The following ADAMTS6 variants were observed in gnomAD, a reference collection of about 807,000 sequenced individuals.
ADAMTS6 encodes ADAM metallopeptidase with thrombospondin type 1 motif 6, also known as A disintegrin and metalloproteinase with thrombospondin motifs 6.
Under a neutral mutation model 144.3 loss-of-function variants are expected in ADAMTS6, and 23 were observed. The ratio of observed to expected loss-of-function variants is 0.16; its 90% CI spans 0.11 to 0.23. The LOEUF (loss-of-function observed/expected upper bound fraction) is 0.23. Among genes scored for constraint, ADAMTS6 ranks in the 10% least tolerant of loss-of-function variants. ADAMTS6 has a pLI of 1.00. For missense variants in ADAMTS6, 999 were observed against 1,379.6 expected, an observed-to-expected ratio of 0.72 and a Z score of 4.37; for synonymous variants, 444 against 457.5, an observed-to-expected ratio of 0.97 and a Z score of 0.38.
At chr5:65,172,053 A>T (rs1753660017) in intron 23 of ADAMTS6, among the ~76,000 whole-genome samples, 1 of 73,448 alleles carries the variant, frequency 1.4e-5, no homozygotes, top group Non-Finnish European at 2.8e-5. Flanking sequence ...GCCCTGTTGG[A>T]TTTGTTTGCA....
In ADAMTS6 at chr5:65,197,108, G is replaced by A. The variant is rs540968436; in HGVS notation, c.2619C>T (p.Asn873=). 6 of 1,613,824 alleles carry A rather than the reference G, an allele frequency of 3.7e-6. No homozygotes were observed. In the East Asian group the frequency reaches 8.9e-5, roughly 24 times the overall value. The change falls in exon 21 of 25, where the codon AAC becomes AAT. Residue 873 remains asparagine (N), a synonymous_variant. Transcript: ENST00000381055. ...CACAGTAATTGTTCTGGACAATGGA[G>A]TTGTCATCCAACCTTTTACAGACCA... ...QEVVCKRLDD[N]SIVQNNYCDP...
intron 20 of ADAMTS6, among the ~76,000 whole-genome samples, chr5:65,211,682 C>A (rs1756542508): frequency 6.6e-6 from 1 of 152,120 alleles, no homozygotes; most frequent in Non-Finnish European, 1.5e-5. Context: ...GTTTTACCTA[C>A]CTATGCTAAT....
intron 7 of ADAMTS6, among the ~76,000 whole-genome samples, chr5:65,395,825 A>G (rs752437045): frequency 7.9e-5 from 12 of 152,250 alleles, no homozygotes; most frequent in South Asian, 2.1e-4. Context: ...AAGAAACAAT[A>G]TAACTTAAAT....
chr5:65,382,013 GAGTAGATAGCT>G (rs1752088255), intron 7 of ADAMTS6, among the ~76,000 whole-genome samples: 1 of 152,150 alleles, frequency 6.6e-6, no homozygotes, highest in Admixed American at 6.6e-5. Context: ...ATAACTAGAA[GAGTAGATAGCT>G]AGCAGCTCCC....
At chr5:65,198,202 A>G (rs1303934097) in intron 20 of ADAMTS6, among the ~76,000 whole-genome samples, 1 of 152,018 alleles carries the variant, frequency 6.6e-6, no homozygotes, top group Non-Finnish European at 1.5e-5. Flanking sequence ...CCACTCACCC[A>G]CCCCATCTCT....
intron 7 of ADAMTS6, among the ~76,000 whole-genome samples, chr5:65,426,478 G>T (rs982281692): frequency 6.6e-6 from 1 of 151,416 alleles, no homozygotes; most frequent in Non-Finnish European, 1.5e-5. Flanking sequence ...GGGAAAAAAT[G>T]AAAGTAAAAG....
chr5:65,387,704 T>C (rs377654608), intron 7 of ADAMTS6, among the ~76,000 whole-genome samples: 44 of 152,282 alleles, frequency 2.9e-4, no homozygotes, highest in East Asian at 1.9e-3. Context: ...TGGATTTTCA[T>C]GGGTCACTCT....
intron 20 of ADAMTS6, among the ~76,000 whole-genome samples, chr5:65,197,917 T>C (rs1450702092): frequency 6.6e-6 from 1 of 152,186 alleles, no homozygotes; most frequent in African/African-American, 2.4e-5. Flanking sequence ...ATATGTCAAT[T>C]ATTGGCAAAG....
At chr5:65,276,408 A>G (rs1242376828) in intron 11 of ADAMTS6, among the ~76,000 whole-genome samples, 2 of 152,200 alleles carry the variant, frequency 1.3e-5, no homozygotes, top group Non-Finnish European at 2.9e-5. Context: ...AAGAGTTTTC[A>G]GATAGATCTT....
intron 7 of ADAMTS6, among the ~76,000 whole-genome samples, chr5:65,397,340 AT>A (rs1346529046): frequency 1.3e-5 from 2 of 150,572 alleles, no homozygotes; most frequent in Non-Finnish European, 3.0e-5. Flanking sequence ...TTTATTATTC[AT>A]TTTCTTCTGC....
chr5:65,209,644 G>C (rs190820767), intron 20 of ADAMTS6, among the ~76,000 whole-genome samples: 1 of 152,252 alleles, frequency 6.6e-6, no homozygotes, highest in African/African-American at 2.4e-5. Context: ...TATCATTATT[G>C]CTCCCAAACT....
At chr5:65,340,689 A>G (rs1459913433) in intron 7 of ADAMTS6, among the ~76,000 whole-genome samples, 1 of 152,074 alleles carries the variant, frequency 6.6e-6, no homozygotes, top group Non-Finnish European at 1.5e-5. Flanking sequence ...TTAAAAAAAA[A>G]AGGACCCAAT....
intron 9 of ADAMTS6, among the ~76,000 whole-genome samples, chr5:65,314,699 G>C (rs1367854388): frequency 6.6e-6 from 1 of 152,116 alleles, no homozygotes; most frequent in Non-Finnish European, 1.5e-5. Flanking sequence ...AGAAATTTCA[G>C]CTATTTCTAT....
intron 22 of ADAMTS6, among the ~76,000 whole-genome samples, chr5:65,183,928 T>C (rs918694434): frequency 6.6e-6 from 1 of 152,196 alleles, no homozygotes; most frequent in African/African-American, 2.4e-5. Flanking sequence ...AAAATTCATC[T>C]CATTCTTTCT....
intron 1 of ADAMTS6, among the ~76,000 whole-genome samples, chr5:65,480,459 A>G (rs956326219): frequency 1.3e-5 from 2 of 152,166 alleles, no homozygotes; most frequent in African/African-American, 4.8e-5. Flanking sequence ...TGTGACCCAG[A>G]CAGTTGGCAT....
chr5:65,291,243 C>T, intron 11 of ADAMTS6, 86 bp downstream of exon 11: 1 of 1,467,472 alleles, frequency 6.8e-7, no homozygotes, highest in Non-Finnish European at 9.1e-7. Context: ...CTAGAGGGAA[C>T]CGACATTCAT....
intron 24 of ADAMTS6, among the ~76,000 whole-genome samples, chr5:65,169,277 A>G (rs1753439623): frequency 2.3e-5 from 2 of 87,142 alleles, no homozygotes; most frequent in Non-Finnish European, 2.4e-5. Flanking sequence ...CACAAAACAC[A>G]TGAAAAAATG....
chr5:65,315,889 A>G (rs1013566178), intron 9 of ADAMTS6, among the ~76,000 whole-genome samples: 1 of 151,778 alleles, frequency 6.6e-6, no homozygotes, highest in African/African-American at 2.4e-5. Context: ...AAATACACAA[A>G]TCCACTATTA....
At chr5:65,395,607 GCC>G (rs1561497507) in intron 7 of ADAMTS6, among the ~76,000 whole-genome samples, 1 of 152,070 alleles carries the variant, frequency 6.6e-6, no homozygotes, top group Non-Finnish European at 1.5e-5. Flanking sequence ...GAAATTCTAT[GCC>G]CTGTTCTTTG....
Sources: allele counts gnomAD v4.1 joint callset (sites outside exome capture counted in the v4.1 genomes callset), GRCh38; gene constraint gnomAD v4.1.1; transcripts MANE v1.5; gene names NCBI Gene and HGNC (gene_info 2026-07-23, HGNC 2026-07-21).